Variants in SIPA1L3 observed in about 807,000 individuals in gnomAD.
SIPA1L3 encodes the protein signal induced proliferation associated 1 like 3.
SIPA1L3 carries 59 observed loss-of-function variants against 150.1 expected under a neutral mutation model. That is an observed-to-expected ratio of 0.39 (90% CI 0.32 to 0.49). The LOEUF is 0.49. Ranked by LOEUF, SIPA1L3 falls within the 20% of genes least tolerant of loss-of-function variation. The pLI is 0.86. For synonymous variants in SIPA1L3, 1,070 were observed against 1,077.6 expected (o/e 0.99, Z 0.14); for missense variants, 2,211 against 2,489.5 (o/e 0.89, Z 2.38).
intron 9 of SIPA1L3, 151 bp from the exon 10 acceptor site, chr19:38,130,347 C>T (rs1207055841): frequency 1.3e-6 from 1 of 753,622 alleles, no homozygotes; most frequent in African/African-American, 1.8e-5. Context: ...GGTGCGTGTT[C>T]CCCCTGCGGG....
chr19:38,010,396 CCTGT>C (rs1326000960), intron 1 of SIPA1L3, among the ~76,000 whole-genome samples: 1 of 139,332 alleles, frequency 7.2e-6, no homozygotes, highest in Non-Finnish European at 1.5e-5. Flanking sequence ...TGACAGAGAA[CCTGT>C]CTCTCAAAAT....
chr19:38,031,547 G>A (rs2145722296), intron 2 of SIPA1L3, among the ~76,000 whole-genome samples: 1 of 152,254 alleles, frequency 6.6e-6, no homozygotes, highest in Admixed American at 6.5e-5. Context: ...TCATTATTTG[G>A]AACAGTGCCA....
chr19:38,088,581 C>T (rs1970192199), intron 3 of SIPA1L3, 140 bp from the exon 4 acceptor site: 1 of 1,024,034 alleles, frequency 9.8e-7, no homozygotes, highest in South Asian at 1.6e-5. Context: ...GTGTCTGTGA[C>T]CAGGCATGAG....
chr19:38,178,096 T>G (rs1237288669), intron 15 of SIPA1L3, among the ~76,000 whole-genome samples: 920 of 28,204 alleles, frequency 0.033, 15 homozygotes, highest in African/African-American at 0.11. Context: ...GGTGTGTGTG[T>G]GTGTGTGTGT....
intron 11 of SIPA1L3, among the ~76,000 whole-genome samples, chr19:38,142,200 T>C (rs977603547): frequency 6.6e-6 from 1 of 152,160 alleles, no homozygotes; most frequent in Admixed American, 6.5e-5. Flanking sequence ...TTTGAAGATA[T>C]TATATATTAA....
chr19:37,979,663 C>A (rs1967154718), intron 1 of SIPA1L3, among the ~76,000 whole-genome samples: 1 of 152,132 alleles, frequency 6.6e-6, no homozygotes, highest in East Asian at 1.9e-4. Context: ...ACTGTAATGG[C>A]AGAATTGAGT....
intron 16 of SIPA1L3, among the ~76,000 whole-genome samples, chr19:38,191,189 T>G (rs1443569913): frequency 2.0e-5 from 3 of 150,258 alleles, no homozygotes; most frequent in Non-Finnish European, 4.4e-5. Context: ...GAAGGATCGC[T>G]TGAGCCCAGG....
Position 38,207,788 on chromosome 19 carries a change from GT to G in SIPA1L3, c.*1549del, listed in dbSNP as rs1189324363. The G allele has an allele frequency of 6.6e-6, 1 of 152,388 alleles. No individual in the cohort carries two copies. The highest frequency in any genetic ancestry group is 1.9e-4 in the East Asian group (1 of 5,176). The allele number at this position is 152,388 out of a possible 1,614,324, so 9.4% of individuals were successfully genotyped here. A position where few individuals can be genotyped will look rare whatever the true frequency, so the allele number is the denominator to read the frequency against. On this transcript the variant is annotated 3_prime_UTR_variant, in exon 22 of 22. Coordinates refer to ENST00000222345, the MANE Select transcript of SIPA1L3 (RefSeq NM_015073.3). The stretch of plus-strand genomic sequence containing the variant: ...CACTCGGAGGTGCCGGTGTGGATGG[GT>G]GGGGGTGAGAGAAGAGGGTTCTTAT...
Position 37,925,109 on chromosome 19 carries a change from G to A in SIPA1L3, c.-379+17751G>A, listed in dbSNP as rs151327143. Reference sequence around the variant, plus strand: ...TTGTATGTGTTACATTGTCTTTTACGTGACTGGAAGCACAGTAGGTTTATT... The same window carrying A: ...TTGTATGTGTTACATTGTCTTTTACATGACTGGAAGCACAGTAGGTTTATT... On this transcript the variant is annotated intron_variant, in intron 1 of 21. Coordinates refer to ENST00000222345, the MANE Select transcript of SIPA1L3 (RefSeq NM_015073.3). 7.3e-5 allele frequency among the ~76,000 whole-genome samples: 11 copies of A among 151,610 alleles called. No homozygotes were observed. In the East Asian group the frequency reaches 9.7e-4, roughly 13 times the overall value.
At chr19:38,031,433 G>A (rs1043139503) in intron 2 of SIPA1L3, among the ~76,000 whole-genome samples, 1 of 152,140 alleles carries the variant, frequency 6.6e-6, no homozygotes, top group Non-Finnish European at 1.5e-5. Context: ...GTCTTTCCTA[G>A]CCTTTCATGA....
chr19:37,977,590 C>G (rs917730361), intron 1 of SIPA1L3, among the ~76,000 whole-genome samples: 2 of 152,138 alleles, frequency 1.3e-5, no homozygotes, highest in Non-Finnish European at 2.9e-5. Context: ...CACGCCCCCC[C>G]CCACAGAAGT....
chr19:37,931,952 G>T (rs1348742974), intron 1 of SIPA1L3, among the ~76,000 whole-genome samples: 1 of 152,186 alleles, frequency 6.6e-6, no homozygotes, highest in African/African-American at 2.4e-5. Flanking sequence ...TTAGGAGAGA[G>T]AATTCATATG....
intron 2 of SIPA1L3, among the ~76,000 whole-genome samples, chr19:38,031,789 A>C (rs998848035): frequency 6.6e-6 from 1 of 152,176 alleles, no homozygotes; most frequent in African/African-American, 2.4e-5. Flanking sequence ...AAAAAAATAA[A>C]ATAGAAACAA....
chr19:37,939,342 A>G (rs1320374108), intron 1 of SIPA1L3, among the ~76,000 whole-genome samples: 2 of 146,008 alleles, frequency 1.4e-5, no homozygotes, highest in African/African-American at 2.5e-5. Context: ...CGGAGGCTGC[A>G]GTGAGCCGAG....
intron 1 of SIPA1L3, among the ~76,000 whole-genome samples, chr19:37,994,436 G>T (rs1024605929): frequency 6.6e-6 from 1 of 152,100 alleles, no homozygotes; most frequent in Non-Finnish European, 1.5e-5. Flanking sequence ...GTTTTTCAGC[G>T]GTGGAAAGGC....
At chr19:38,112,925 G>T (rs903163330) in intron 8 of SIPA1L3, among the ~76,000 whole-genome samples, 2 of 152,126 alleles carry the variant, frequency 1.3e-5, no homozygotes, top group Non-Finnish European at 2.9e-5. Flanking sequence ...ACTGAACTCA[G>T]GGCGAGGTGC....
At chr19:37,986,114 T>C (rs1967343927) in intron 1 of SIPA1L3, among the ~76,000 whole-genome samples, 1 of 152,184 alleles carries the variant, frequency 6.6e-6, no homozygotes, top group Non-Finnish European at 1.5e-5. Context: ...CCATCTCTTT[T>C]CTTTGTGTCA....
intron 1 of SIPA1L3, among the ~76,000 whole-genome samples, chr19:37,974,483 T>C (rs55946812): frequency 0.31 from 46,454 of 149,488 alleles, 7,718 homozygotes; most frequent in Non-Finnish European, 0.38. Context: ...GCCACTACAC[T>C]CCAGCCTGAA....
At chr19:38,172,174 T>C (rs1172297877) in intron 15 of SIPA1L3, among the ~76,000 whole-genome samples, 1 of 152,000 alleles carries the variant, frequency 6.6e-6, no homozygotes, top group Admixed American at 6.6e-5. Context: ...GCAGGCGGCA[T>C]TGCCAGGAAG....
Sources: gnomAD v4.1 joint callset for allele counts (sites outside exome capture counted in the v4.1 genomes callset) on GRCh38, gnomAD v4.1.1 for gene constraint, MANE v1.5 for transcripts, NCBI Gene and HGNC (gene_info 2026-07-23, HGNC 2026-07-21) for gene names.